Variants in LITAF observed in about 807,000 individuals in gnomAD.
LITAF encodes lipopolysaccharide-induced tumor necrosis factor-alpha factor.
In LITAF, 9 loss-of-function variants were observed where a neutral mutation model predicts 14.5. That is an observed-to-expected ratio of 0.62 (90% confidence interval 0.37 to 1.08). The LOEUF (loss-of-function observed/expected upper bound fraction) is 1.08. LITAF is among the 50% of genes least tolerant of loss of function. The pLI is 0.01. For missense variants in LITAF, 206 were observed against 213.4 expected, an observed-to-expected ratio of 0.97 and a Z score of 0.22; for synonymous variants, 98 against 88.2, an observed-to-expected ratio of 1.11 and a Z score of -0.62.
intron 3 of LITAF, among the ~76,000 whole-genome samples, chr16:11,628,920 C>T (rs560574568): frequency 4.8e-4 from 73 of 152,348 alleles, no homozygotes; most frequent in Middle Eastern, 3.4e-3. Flanking sequence ...AAGTGATCTG[C>T]CCGCCTTGGC....
chr16:11,586,223 C>G lies in LITAF; in HGVS notation c.-6+663G>C, dbSNP rs901765970. ...TCAGCAGTAAGAGGACCCCTGCGCT[C>G]GCGGGGTGCCCGCCTTACCCCGCGG... On this transcript the variant is annotated intron_variant, in intron 1 of 3. Transcript: ENST00000622633. This position sits in a 1 kb window ranked among gnomAD's most constrained non-coding sequence, Gnocchi z 6.5. 2 of 152,290 alleles carry G rather than the reference C, an allele frequency of 1.3e-5. No homozygotes were observed. Among genetic ancestry groups the G allele is most frequent in the Non-Finnish European group, 2.9e-5 (2 of 68,142 alleles). The allele number at this position is 152,290 out of a possible 1,614,324, so 9.4% of individuals were successfully genotyped here. A position where few individuals can be genotyped will look rare whatever the true frequency, so the allele number is the denominator to read the frequency against.
chr16:11,567,446 C>CAA (rs1460257254), intron 1 of LITAF, among the ~76,000 whole-genome samples: 1 of 149,522 alleles, frequency 6.7e-6, no homozygotes, highest in Non-Finnish European at 1.5e-5. Context: ...CAAAACAAAA[C>CAA]AAAACAACAA....
Position 11,549,664 on chromosome 16 carries a change from A to C in LITAF, c.459T>G (p.Ala153=). 1 of 1,613,454 alleles carries C rather than the reference A, an allele frequency of 6.2e-7. No homozygotes were observed. Among genetic ancestry groups the C allele is most frequent in the South Asian group, 1.1e-5 (1 of 90,914 alleles). Residue 153 remains alanine, a synonymous_variant, in exon 4 of 4, where the codon GCT becomes GCG. Coordinates refer to ENST00000622633, the MANE Select transcript of LITAF (RefSeq NM_001136472.2). This position sits in a 1 kb window ranked among gnomAD's most constrained non-coding sequence, Gnocchi z 4.6. The stretch of plus-strand genomic sequence containing the variant: ...ACAAACGCTTGTAGGTGCCCAGGAG[A>C]GCTCTGCAGTTGGGACAGTAATGGT... ...DVDHYCPNCR[A]LLGTYKRL
intron 3 of LITAF, among the ~76,000 whole-genome samples, chr16:11,624,097 C>A (rs890266321): frequency 2.0e-5 from 3 of 152,134 alleles, no homozygotes; most frequent in African/African-American, 7.2e-5. Context: ...CCAGCCTGGG[C>A]AACATAGTAA....
rs1354666761 is a variant in LITAF, at chr16:11,548,796, T to G, written c.*841A>C. On this transcript the variant is annotated 3_prime_UTR_variant, in exon 4 of 4. Coordinates refer to ENST00000622633, the MANE Select transcript of LITAF (RefSeq NM_001136472.2). ...TTCGACACCAGCCTGGGCAACATAGTAAGACCCCATCTCTGTTTTTTTTTA... is the reference window on the plus strand; with the variant it reads ...TTCGACACCAGCCTGGGCAACATAGGAAGACCCCATCTCTGTTTTTTTTTA... 2 of 453,292 alleles carry G rather than the reference T, an allele frequency of 4.4e-6. No homozygotes were observed. The highest frequency in any genetic ancestry group is 3.1e-5 in the South Asian group (2 of 64,232). The allele number at this position is 453,292 out of a possible 1,614,324, so 28.1% of individuals were successfully genotyped here.
chr16:11,627,609 C>T (rs543738139), intron 3 of LITAF, among the ~76,000 whole-genome samples: 29 of 152,316 alleles, frequency 1.9e-4, no homozygotes, highest in African/African-American at 3.6e-4. Flanking sequence ...TTTGGAAGGC[C>T]GAGGTGGGCA....
Position 11,548,342 on chromosome 16 carries a change from A to G in LITAF, c.*1295T>C, listed in dbSNP as rs1040474431. ...TGAGTCCTAGAAATCATGTCTTCTC[A>G]TGTTTTACAACAAGCTGTGTCTCTG... On this transcript the variant is annotated 3_prime_UTR_variant, in exon 4 of 4. Transcript: ENST00000622633. 5 of 454,048 alleles carry G rather than the reference A, an allele frequency of 1.1e-5. No individual in the cohort carries two copies. Among genetic ancestry groups the G allele is most frequent in the Non-Finnish European group, 2.2e-5 (5 of 226,776 alleles). 28.1% of individuals were successfully genotyped at this position (454,048 alleles called of 1,614,324 possible).
chr16:11,606,009 A>T (rs889024606), intron 3 of LITAF, among the ~76,000 whole-genome samples: 3 of 152,064 alleles, frequency 2.0e-5, no homozygotes, highest in Non-Finnish European at 4.4e-5. Context: ...GATTTAGTTG[A>T]GGGATCCTTT....
chr16:11,603,429 G>T (rs552097914), upstream of LITAF, among the ~76,000 whole-genome samples: 3 of 152,188 alleles, frequency 2.0e-5, no homozygotes, highest in Non-Finnish European at 2.9e-5. Flanking sequence ...GGCCTCCCTG[G>T]CTGTCTTCCA....
rs1200162655 is a variant in LITAF, at chr16:11,570,031, A to C, written c.-5-13296T>G. Among the ~76,000 whole-genome samples the C allele has an allele frequency of 2.7e-5, 4 of 147,996 alleles. No individual in the cohort carries two copies. In the South Asian group the frequency reaches 8.4e-4, roughly 31 times the overall value. ...GGCCACAGAGCGAGACTTTGCCTCA[A>C]AAAAAAAAAAAAAGTTAAAATGGCA... On this transcript the variant is annotated intron_variant, in intron 1 of 3. Coordinates refer to ENST00000622633, the MANE Select transcript of LITAF (RefSeq NM_001136472.2).
chr16:11,556,389 G>A (rs1409457805), intron 2 of LITAF, 122 bp downstream of exon 2: 2 of 794,386 alleles, frequency 2.5e-6, no homozygotes, highest in Non-Finnish European at 4.0e-6. Context: ...AGGTAAGGGG[G>A]TAAAACTGGA....
intron 1 of LITAF, among the ~76,000 whole-genome samples, chr16:11,563,907 T>C (rs2064411968): frequency 6.6e-6 from 1 of 151,972 alleles, no homozygotes; most frequent in African/African-American, 2.4e-5. Flanking sequence ...CATCTCAGTT[T>C]TGCTTGTGTT....
intron 3 of LITAF, among the ~76,000 whole-genome samples, chr16:11,627,410 T>C (rs2065090522): frequency 6.6e-6 from 1 of 152,252 alleles, no homozygotes; most frequent in South Asian, 2.1e-4. Context: ...TCTGAGCTTC[T>C]GGATCCAGCC....
intron 3 of LITAF, among the ~76,000 whole-genome samples, chr16:11,627,156 C>A (rs2065089024): frequency 6.6e-6 from 1 of 152,220 alleles, no homozygotes; most frequent in Non-Finnish European, 1.5e-5. Context: ...TACCCAGCAT[C>A]TCCTGAGCCT....
intron 3 of LITAF, among the ~76,000 whole-genome samples, chr16:11,613,661 G>C (rs114368673): frequency 0.016 from 2,479 of 152,344 alleles, 86 homozygotes; most frequent in African/African-American, 0.057. Context: ...GGCTAAGCCA[G>C]AGTTAGGTGG....
At position 11,558,487 on chromosome 16, in the gene LITAF, C is replaced by T. The variant is rs1471142897; in HGVS notation, c.-5-1752G>A. Among the ~76,000 whole-genome samples the T allele has an allele frequency of 6.6e-6, 1 of 151,994 alleles. No homozygotes were observed. The highest frequency in any genetic ancestry group is 1.5e-5 in the Non-Finnish European group (1 of 67,972). ...CTTTGGGAGGTTGAGGCAGGAGGAT[C>T]ACTTGAGCCCAGGAATTCACCACCA... On this transcript the variant is annotated intron_variant, in intron 1 of 3. Transcript: ENST00000622633. This position sits in a 1 kb window ranked among gnomAD's most constrained non-coding sequence, Gnocchi z 4.1.
At chr16:11,572,625 G>T (rs1289039976) in intron 1 of LITAF, among the ~76,000 whole-genome samples, 3 of 152,202 alleles carry the variant, frequency 2.0e-5, no homozygotes, top group African/African-American at 7.2e-5. Flanking sequence ...ACCGGCCACA[G>T]GGCATCAGGC....
chr16:11,583,012 A>C (rs889763166), intron 1 of LITAF, among the ~76,000 whole-genome samples: 2 of 152,164 alleles, frequency 1.3e-5, no homozygotes, highest in African/African-American at 4.8e-5. Flanking sequence ...TTAAGCCATA[A>C]ATGGTTAAGC....
chr16:11,617,106 GCTA>G, intron 3 of LITAF, among the ~76,000 whole-genome samples: 1 of 150,702 alleles, frequency 6.6e-6, no homozygotes, highest in Admixed American at 6.6e-5. Context: ...TGTGGTCCCA[GCTA>G]CTTGAGAGGC....
Sources: allele counts gnomAD v4.1 joint callset (sites outside exome capture counted in the v4.1 genomes callset), GRCh38; gene constraint gnomAD v4.1.1; non-coding constraint Gnocchi (gnomAD v3.1); transcripts MANE v1.5; gene names NCBI Gene and HGNC (gene_info 2026-07-23, HGNC 2026-07-21).